Variants in UBE2D4 observed in about 807,000 individuals in gnomAD.
UBE2D4 encodes the protein ubiquitin conjugating enzyme E2 D4.
A neutral mutation model predicts 23.0 loss-of-function variants in UBE2D4; 17 were observed. That is an observed-to-expected ratio of 0.74 (90% CI 0.51 to 1.11). The LOEUF is 1.11. UBE2D4 is among the 50% of genes least tolerant of loss of function. The pLI, the probability that UBE2D4 is intolerant of heterozygous loss-of-function variation, is 0.00. For missense variants in UBE2D4, 139 were observed against 181.8 expected (o/e 0.76, Z 1.35); for synonymous variants, 61 against 69.4 (o/e 0.88, Z 0.60).
At chr7:43,945,434 C>G (rs1054009622) in intron 4 of UBE2D4, among the ~76,000 whole-genome samples, 4 of 152,158 alleles carry the variant, frequency 2.6e-5, no homozygotes, top group Admixed American at 2.6e-4. Flanking sequence ...AAATCTCCTT[C>G]CACAGGGGAA....
Position 43,944,941 on chromosome 7 carries a change from C to T in UBE2D4, c.198+1910C>T, listed in dbSNP as rs984342618. 2 of 152,084 alleles carry T rather than the reference C, an allele frequency of 1.3e-5. No homozygotes were observed. The highest frequency in any genetic ancestry group is 6.5e-5 in the Admixed American group (1 of 15,268). The allele number at this position is 152,084 out of a possible 1,614,324, so 9.4% of individuals were successfully genotyped here. On this transcript the variant is annotated intron_variant, in intron 4 of 6. Transcript: ENST00000222402. The surrounding 1 kb of genome is among the most constrained non-coding windows in gnomAD (Gnocchi z 4.0). ...TGTCTGTTGGGCATTTTCAGCATAC[C>T]TAATTGCCTAAGGACAAAGGAGAAA...
intron 1 of UBE2D4, chr7:43,927,991 T>A (rs2095936665): frequency 2.2e-6 from 1 of 448,584 alleles, no homozygotes; most frequent in Admixed American, 2.4e-5. Flanking sequence ...GAAAAGAGGT[T>A]TATTTGGCTC....
At chr7:43,949,624 T>C (rs1410130309) in intron 5 of UBE2D4, among the ~76,000 whole-genome samples, 1 of 152,224 alleles carries the variant, frequency 6.6e-6, no homozygotes, top group Admixed American at 6.5e-5. Context: ...ATCCAGTTTG[T>C]TTGGAATCAT....
At chr7:43,930,482 G>A (rs754696922) in intron 1 of UBE2D4, among the ~76,000 whole-genome samples, 4 of 152,124 alleles carry the variant, frequency 2.6e-5, no homozygotes, top group Non-Finnish European at 5.9e-5. Context: ...TTGAGACAGG[G>A]TCTTGCTCTG....
At position 43,944,452 on chromosome 7, in the gene UBE2D4, T is replaced by C. The variant is rs2095980986; in HGVS notation, c.198+1421T>C. The C allele has an allele frequency of 6.6e-6, 1 of 152,230 alleles. No individual in the cohort carries two copies. Among genetic ancestry groups the C allele is most frequent in the South Asian group, 2.1e-4 (1 of 4,834 alleles). The allele number at this position is 152,230 out of a possible 1,614,324, so 9.4% of individuals were successfully genotyped here. A position where few individuals can be genotyped will look rare whatever the true frequency, so the allele number is the denominator to read the frequency against. ...GTGATATTGCTATGTCTTACTACCT[T>C]GACTTGGCCTTGATGCCTCAATTTG... On this transcript the variant is annotated intron_variant, in intron 4 of 6. Transcript: ENST00000222402. This position sits in a 1 kb window ranked among gnomAD's most constrained non-coding sequence, Gnocchi z 4.0.
chr7:43,946,569 C>T (rs1417595342), intron 4 of UBE2D4, among the ~76,000 whole-genome samples: 1 of 152,160 alleles, frequency 6.6e-6, no homozygotes, highest in Non-Finnish European at 1.5e-5. Context: ...CTGCATCTTG[C>T]TTTTCCCATA....
rs2096006342 is a variant in UBE2D4, at chr7:43,952,987, C to T, written c.*292C>T. ...GCCGCCTCAGTTTGTCTGCTGGTCTCTTGGGGGGCCAGGCCCTGCACGTCT... is the reference window on the plus strand; with the variant it reads ...GCCGCCTCAGTTTGTCTGCTGGTCTTTTGGGGGGCCAGGCCCTGCACGTCT... On this transcript the variant is annotated 3_prime_UTR_variant, in exon 7 of 7. Transcript: ENST00000222402. 2.5e-6 allele frequency: 1 copy of T among 405,248 alleles called. No individual in the cohort carries two copies. The highest frequency in any genetic ancestry group is 4.8e-6 in the Non-Finnish European group (1 of 210,280). The allele number at this position is 405,248 out of a possible 1,614,324, so 25.1% of individuals were successfully genotyped here.
Position 43,953,358 on chromosome 7 carries a change from A to T in UBE2D4, c.*663A>T, listed in dbSNP as rs1478540436. On this transcript the variant is annotated 3_prime_UTR_variant, in exon 7 of 7. Coordinates refer to ENST00000222402, the MANE Select transcript of UBE2D4 (RefSeq NM_015983.4). ...CAAAGCACATAACACCCCATAAGAGATGATTATGTTTTTAGAAGCAAGAGC... is the reference window on the plus strand; with the variant it reads ...CAAAGCACATAACACCCCATAAGAGTTGATTATGTTTTTAGAAGCAAGAGC... 3 of 350,014 alleles carry T rather than the reference A, an allele frequency of 8.6e-6. No individual in the cohort carries two copies. 21.7% of individuals were successfully genotyped at this position (350,014 alleles called of 1,614,324 possible).
intron 6 of UBE2D4, 150 bp from the exon 7 acceptor site, chr7:43,952,500 G>C (rs1562609353): frequency 2.8e-6 from 2 of 715,626 alleles, no homozygotes; most frequent in South Asian, 1.6e-5. Flanking sequence ...CTGCTCCAGG[G>C]AAAGCCTTTA....
intron 1 of UBE2D4, among the ~76,000 whole-genome samples, chr7:43,933,273 A>C (rs1308760663): frequency 6.6e-6 from 1 of 151,646 alleles, no homozygotes. Context: ...TAGTGCATCA[A>C]ATTTTATACT....
At chr7:43,926,677 G>A (rs2095931634) in intron 1 of UBE2D4, 121 bp downstream of exon 1, 1 of 1,091,562 alleles carries the variant, frequency 9.2e-7, no homozygotes, top group Middle Eastern at 2.1e-4. Flanking sequence ...CACCTGCCTG[G>A]GAAGGAGGCA....
intron 5 of UBE2D4, 132 bp downstream of exon 5, chr7:43,948,869 C>A: frequency 1.4e-6 from 1 of 696,096 alleles, no homozygotes; most frequent in Non-Finnish European, 2.5e-6. Flanking sequence ...CACTGCTGTG[C>A]CCTTAAGTGG....
At chr7:43,927,597 C>A (rs890492578) in intron 1 of UBE2D4, among the ~76,000 whole-genome samples, 1 of 152,142 alleles carries the variant, frequency 6.6e-6, no homozygotes, top group African/African-American at 2.4e-5. Context: ...AGACACCATG[C>A]CCAGTCCTAT....
At position 43,929,108 on chromosome 7, in the gene UBE2D4, C is replaced by T. The variant is rs78873648; in HGVS notation, c.24+2552C>T. ...GGAGTTGGAGACCAACTGGGCAACA[C>T]AGCAAAATTCCATCTCTACTAAAAA... On this transcript the variant is annotated intron_variant, in intron 1 of 6. Coordinates refer to ENST00000222402, the MANE Select transcript of UBE2D4 (RefSeq NM_015983.4). 7.8e-3 allele frequency among the ~76,000 whole-genome samples: 1,184 copies of T among 152,096 alleles called. 15 individuals are homozygous for T. Among genetic ancestry groups the T allele is most frequent in the African/African-American group, 0.027 (1,126 of 41,506 alleles).
chr7:43,942,776 CAT>C (rs2095976151), intron 2 of UBE2D4, 48 bp from the exon 3 acceptor site: 3 of 1,613,168 alleles, frequency 1.9e-6, no homozygotes, highest in Non-Finnish European at 2.5e-6. Flanking sequence ...AGTAGAATGA[CAT>C]GTTTCTTGGG....
chr7:43,931,618 C>G (rs867448580), intron 1 of UBE2D4, among the ~76,000 whole-genome samples: 1,445 of 55,926 alleles, frequency 0.026, 15 homozygotes, highest in Non-Finnish European at 0.034. Flanking sequence ...GGTGGGGGGG[C>G]GGGGGGGGTG....
intron 2 of UBE2D4, chr7:43,941,549 C>T (rs1241262334): frequency 6.6e-6 from 1 of 152,218 alleles, no homozygotes; most frequent in Non-Finnish European, 1.5e-5. Flanking sequence ...AGGGCACTGC[C>T]CAGGGGTTGG....
rs759497023 is a variant in UBE2D4, at chr7:43,952,735, G to A, written c.*40G>A. Reference sequence around the variant, plus strand: ...TTACATGAGACACTGTCCAAGAGAAGCTGGCAGAGAGGTCTTCCCTTAAAA... The same window carrying A: ...TTACATGAGACACTGTCCAAGAGAAACTGGCAGAGAGGTCTTCCCTTAAAA... On this transcript the variant is annotated 3_prime_UTR_variant, in exon 7 of 7. Transcript: ENST00000222402. 1.4e-5 allele frequency: 22 copies of A among 1,570,068 alleles called. No individual in the cohort carries two copies. In the South Asian group the frequency reaches 2.2e-4, roughly 16 times the overall value.
At chr7:43,932,635 A>G (rs2132754879) in intron 1 of UBE2D4, among the ~76,000 whole-genome samples, 1 of 152,098 alleles carries the variant, frequency 6.6e-6, no homozygotes, top group Non-Finnish European at 1.5e-5. Context: ...TCTCCTAAAT[A>G]TACAAACATT....
Sources: gnomAD v4.1 joint callset for allele counts (sites outside exome capture counted in the v4.1 genomes callset) on GRCh38, gnomAD v4.1.1 for gene constraint, Gnocchi (gnomAD v3.1) non-coding constraint, MANE v1.5 for transcripts, NCBI Gene and HGNC (gene_info 2026-07-23, HGNC 2026-07-21) for gene names.